Variants in AFF1 observed in about 807,000 individuals in gnomAD.
AFF1 encodes AF4/FMR2 family member 1.
A neutral mutation model predicts 121.7 loss-of-function variants in AFF1; 48 were observed. The ratio of observed to expected loss-of-function variants is 0.39; its 90% CI spans 0.31 to 0.50. The LOEUF (loss-of-function observed/expected upper bound fraction) is 0.50. Ranked by LOEUF, AFF1 falls within the 20% of genes least tolerant of loss-of-function variation. The pLI is 0.76. For synonymous variants in AFF1, 613 were observed against 563.0 expected (o/e 1.09, Z -1.26); for missense variants, 1,523 against 1,511.7 (o/e 1.01, Z -0.12).
rs1053276496 is a variant in AFF1 at position 86,949,704 on chromosome 4, G to A, written c.38+1133G>A. 4.4e-5 allele frequency: 69 copies of A among 1,580,284 alleles called. No individual in the cohort carries two copies. In the Admixed American group the frequency reaches 1.3e-3, roughly 29 times the overall value. On this transcript the variant is annotated intron_variant, in intron 2 of 20. Coordinates refer to ENST00000395146, the MANE Select transcript of AFF1 (RefSeq NM_001166693.3). ...GGGATGATGGGCATGCGCAGGGGCG[G>A]GTAGTCCCGGAACTCCTTCAGGTAG...
Position 87,137,244 on chromosome 4 carries a change from C to T in AFF1, c.*1543C>T. ...ACTTTTTCTCCGCCTTTGTCCCATT[C>T]TGCCCCTGTACATGTTTCCTACCAA... On this transcript the variant is annotated 3_prime_UTR_variant, in exon 21 of 21. Coordinates refer to ENST00000395146, the MANE Select transcript of AFF1 (RefSeq NM_001166693.3). 4.4e-6 allele frequency: 1 copy of T among 228,618 alleles called. No homozygotes were observed. Among genetic ancestry groups the T allele is most frequent in the Non-Finnish European group, 8.7e-6 (1 of 114,878 alleles). 14.2% of individuals were successfully genotyped at this position (228,618 alleles called of 1,614,324 possible). A position where few individuals can be genotyped will look rare whatever the true frequency, so the allele number is the denominator to read the frequency against.
At position 87,045,614 on chromosome 4, in the gene AFF1, G is replaced by A. The variant is rs145089520; in HGVS notation, c.39-552G>A. 2.7e-3 allele frequency among the ~76,000 whole-genome samples: 408 copies of A among 152,158 alleles called. 2 individuals carry two copies. Among genetic ancestry groups the A allele is most frequent in the African/African-American group, 9.2e-3 (381 of 41,524 alleles). On this transcript the variant is annotated intron_variant, in intron 2 of 20. Coordinates refer to ENST00000395146, the MANE Select transcript of AFF1 (RefSeq NM_001166693.3). ...AAATGAGAAATAAAAATCATTTTTT[G>A]TGGGGTTTACATGCCAAGACACTCC... is the stretch of plus-strand genomic sequence containing the variant.
chr4:87,066,814 C>T (rs1721397569), intron 4 of AFF1, among the ~76,000 whole-genome samples: 2 of 152,190 alleles, frequency 1.3e-5, no homozygotes, highest in African/African-American at 4.8e-5. Flanking sequence ...AGCACCTCAG[C>T]CTCTGCCCTG....
intron 2 of AFF1, among the ~76,000 whole-genome samples, chr4:86,965,344 T>C (rs919543321): frequency 6.6e-6 from 1 of 152,252 alleles, no homozygotes; most frequent in Non-Finnish European, 1.5e-5. Flanking sequence ...ACTTTTCGGC[T>C]AATTTGTCAA....
intron 1 of AFF1, among the ~76,000 whole-genome samples, chr4:86,946,986 A>G (rs1035257560): frequency 2.0e-5 from 3 of 152,166 alleles, no homozygotes; most frequent in Non-Finnish European, 2.9e-5. Context: ...CAGGAATACA[A>G]TAGTGTTTTA....
intron 2 of AFF1, among the ~76,000 whole-genome samples, chr4:86,977,485 G>A (rs1413758996): frequency 6.6e-6 from 1 of 152,166 alleles, no homozygotes; most frequent in Non-Finnish European, 1.5e-5. Flanking sequence ...CTTCTGTATT[G>A]TTTTAGAGGG....
chr4:87,051,812 T>G (rs906305881), intron 4 of AFF1, among the ~76,000 whole-genome samples: 10 of 152,088 alleles, frequency 6.6e-5, no homozygotes, highest in African/African-American at 2.4e-4. Flanking sequence ...TGCACTGTAG[T>G]AGGTTCTTGA....
chr4:87,083,213 G>T (rs1411911330), intron 4 of AFF1, among the ~76,000 whole-genome samples: 1 of 152,288 alleles, frequency 6.6e-6, no homozygotes, highest in Non-Finnish European at 1.5e-5. Flanking sequence ...GCACTGTCTG[G>T]TGGTGATACC....
rs1731069943 is a variant in AFF1, at chr4:87,049,599, A to C, written c.1059+2005A>C. 6.7e-6 allele frequency: 3 copies of C among 447,918 alleles called. No homozygotes were observed. In the Admixed American group the frequency reaches 7.2e-5, roughly 11 times the overall value. The allele number at this position is 447,918 out of a possible 1,614,324, so 27.7% of individuals were successfully genotyped here. A position where few individuals can be genotyped will look rare whatever the true frequency, so the allele number is the denominator to read the frequency against. ...GGGGTTTTTTTTTTGGCACCAGTGC[A>C]TCTGCTGTCAACAATGGAGTAGAAG... On this transcript the variant is annotated intron_variant, in intron 4 of 20. Transcript: ENST00000395146.
intron 1 of AFF1, among the ~76,000 whole-genome samples, chr4:86,937,227 T>G (rs954318439): frequency 6.6e-6 from 1 of 152,238 alleles, no homozygotes. Context: ...TCTTCAACTT[T>G]GCAAAACTAT....
intron 2 of AFF1, among the ~76,000 whole-genome samples, chr4:86,969,285 C>CT (rs1283706874): frequency 6.6e-6 from 1 of 150,970 alleles, no homozygotes; most frequent in East Asian, 2.0e-4. Flanking sequence ...AAGACCCATC[C>CT]TGGCTAACAT....
chr4:86,936,094 G>C (rs1168750539), intron 1 of AFF1: 1 of 152,192 alleles, frequency 6.6e-6, no homozygotes, highest in Non-Finnish European at 1.5e-5. Flanking sequence ...ACCAGCACCC[G>C]CAAATTGTTA....
chr4:86,996,908 T>C (rs1222891941), intron 2 of AFF1, among the ~76,000 whole-genome samples: 1 of 152,046 alleles, frequency 6.6e-6, no homozygotes, highest in Non-Finnish European at 1.5e-5. Flanking sequence ...TGGCTTTTAA[T>C]TTAATTTAAT....
In AFF1 at chr4:87,076,708, ATCTG is replaced by A. The variant is rs1722710406; in HGVS notation, c.1060-7409_1060-7406del. 5.9e-5 allele frequency among the ~76,000 whole-genome samples: 9 copies of A among 152,322 alleles called. No homozygotes were observed. In the South Asian group the frequency reaches 1.7e-3, roughly 28 times the overall value. ...ATTTGGACTATAACTGTGCTCATAT[ATCTG>A]TCCAGTGATTTAAAAAAATGTTTAT... On this transcript the variant is annotated intron_variant, in intron 4 of 20. Coordinates refer to ENST00000395146, the MANE Select transcript of AFF1 (RefSeq NM_001166693.3).
At chr4:87,050,805 A>G (rs1578147277) in intron 4 of AFF1, among the ~76,000 whole-genome samples, 1 of 152,394 alleles carries the variant, frequency 6.6e-6, no homozygotes, top group Non-Finnish European at 1.5e-5. Flanking sequence ...GATCCCGTCC[A>G]GCTGCAGAGT....
At chr4:87,107,430 A>C (rs192523821) in intron 10 of AFF1, among the ~76,000 whole-genome samples, 4 of 152,324 alleles carry the variant, frequency 2.6e-5, no homozygotes, top group Non-Finnish European at 5.9e-5. Context: ...TGGAGTAGAT[A>C]ATCTCTACTT....
At chr4:87,113,416 A>C (rs987785294) in intron 11 of AFF1, among the ~76,000 whole-genome samples, 3 of 152,024 alleles carry the variant, frequency 2.0e-5, no homozygotes, top group Non-Finnish European at 2.9e-5. Flanking sequence ...GACCACAGGC[A>C]CGTGCCACCT....
At chr4:87,121,145 T>C (rs1299008333) in intron 12 of AFF1, among the ~76,000 whole-genome samples, 1 of 152,138 alleles carries the variant, frequency 6.6e-6, no homozygotes, top group African/African-American at 2.4e-5. Flanking sequence ...TTGAGACAAC[T>C]AACCTAGTAG....
intron 2 of AFF1, chr4:87,007,327 T>C (rs549374436): frequency 1.2e-6 from 2 of 1,604,472 alleles, no homozygotes; most frequent in African/African-American, 1.3e-5. Flanking sequence ...CTCCGCCAAA[T>C]GGTGAGCGCG....
Sources: gnomAD v4.1 joint callset for allele counts (sites outside exome capture counted in the v4.1 genomes callset) on GRCh38, gnomAD v4.1.1 for gene constraint, MANE v1.5 for transcripts, NCBI Gene and HGNC (gene_info 2026-07-23, HGNC 2026-07-21) for gene names.